The following STK32A variants were observed in gnomAD, a reference collection of about 807,000 sequenced individuals.
The protein encoded by STK32A is serine/threonine kinase 32A.
Under a neutral mutation model 53.2 loss-of-function variants are expected in STK32A, and 41 were observed. That is an observed-to-expected ratio of 0.77 (90% CI 0.60 to 1.00). The LOEUF (loss-of-function observed/expected upper bound fraction) is 1.00. Among genes scored for constraint, STK32A ranks in the 50% least tolerant of loss-of-function variants. The pLI is 0.00. For missense variants in STK32A, 458 were observed against 485.8 expected (o/e 0.94, Z 0.54); for synonymous variants, 166 against 162.8 (o/e 1.02, Z -0.15).
chr5:147,385,237 A>T lies in STK32A; in HGVS notation c.*1254A>T, dbSNP rs1424503550. On this transcript the variant is annotated 3_prime_UTR_variant, in exon 13 of 13. Coordinates refer to ENST00000397936, the MANE Select transcript of STK32A (RefSeq NM_001112724.2). Reference sequence around the variant, plus strand: ...CTCACTACATCTGCCTCCCGGGTTCAAGTGATTCTTGTGTCTCAGCCTCCT... The same window carrying T: ...CTCACTACATCTGCCTCCCGGGTTCTAGTGATTCTTGTGTCTCAGCCTCCT... 6.6e-6 allele frequency: 1 copy of T among 152,104 alleles called. No individual in the cohort carries two copies. The highest frequency in any genetic ancestry group is 2.4e-5 in the African/African-American group (1 of 41,392). The allele number at this position is 152,104 out of a possible 1,614,324, so 9.4% of individuals were successfully genotyped here. A position where few individuals can be genotyped will look rare whatever the true frequency, so the allele number is the denominator to read the frequency against.
chr5:147,328,253 G>A (rs1414544634), intron 5 of STK32A, among the ~76,000 whole-genome samples: 1 of 151,382 alleles, frequency 6.6e-6, no homozygotes, highest in Non-Finnish European at 1.5e-5. Flanking sequence ...TTAAAATTTT[G>A]TTTTCACTTC....
At position 147,373,365 on chromosome 5, in the gene STK32A, T is replaced by C. The variant is rs537907324; in HGVS notation, c.903+71T>C. The C allele has an allele frequency of 6.7e-5, 106 of 1,575,948 alleles. No homozygotes were observed. In the East Asian group the frequency reaches 1.1e-3, roughly 16 times the overall value. ...TTACCCGGTGTGCCAGATTCACACA[T>C]TGTCTCATTAGATAATCACACCAGT... is the stretch of plus-strand genomic sequence containing the variant. On this transcript the variant is annotated intron_variant, in intron 10 of 12. Coordinates refer to ENST00000397936, the MANE Select transcript of STK32A (RefSeq NM_001112724.2).
downstream of STK32A, among the ~76,000 whole-genome samples, chr5:147,388,505 T>C (rs545154267): frequency 2.0e-5 from 3 of 152,318 alleles, no homozygotes; most frequent in South Asian, 6.2e-4. Context: ...TGCTGTGTGC[T>C]TAGCAGCCAT....
intron 4 of STK32A, among the ~76,000 whole-genome samples, chr5:147,308,434 A>G (rs1256394433): frequency 6.6e-6 from 1 of 152,122 alleles, no homozygotes; most frequent in Non-Finnish European, 1.5e-5. Context: ...TAATTATACT[A>G]GTTGTCCCAT....
At chr5:147,259,106 GA>G (rs1754374111) in intron 2 of STK32A, among the ~76,000 whole-genome samples, 1 of 152,088 alleles carries the variant, frequency 6.6e-6, no homozygotes, top group South Asian at 2.1e-4. Context: ...GTCCTGAAGG[GA>G]TTTAGATCCC....
intron 4 of STK32A, among the ~76,000 whole-genome samples, chr5:147,302,359 C>T (rs528477145): frequency 5.3e-5 from 8 of 152,074 alleles, no homozygotes; most frequent in Non-Finnish European, 1.0e-4. Flanking sequence ...ACAAGCCCCC[C>T]AGGAAACAGA....
intron 4 of STK32A, among the ~76,000 whole-genome samples, chr5:147,281,802 G>C (rs1283155227): frequency 6.6e-6 from 1 of 152,140 alleles, no homozygotes; most frequent in African/African-American, 2.4e-5. Context: ...TAGGCACACT[G>C]TCATCAGATT....
At chr5:147,301,709 A>C (rs949205591) in intron 4 of STK32A, among the ~76,000 whole-genome samples, 8 of 152,204 alleles carry the variant, frequency 5.3e-5, no homozygotes, top group Non-Finnish European at 7.3e-5. Flanking sequence ...AATTGCCACA[A>C]ACCTGGTGGC....
At chr5:147,324,323 A>C (rs2151978348) in intron 5 of STK32A, among the ~76,000 whole-genome samples, 1 of 152,320 alleles carries the variant, frequency 6.6e-6, no homozygotes, top group Non-Finnish European at 1.5e-5. Flanking sequence ...TTTATAACTA[A>C]GCTTAGACAA....
chr5:147,295,741 T>C (rs1044880194), intron 4 of STK32A, among the ~76,000 whole-genome samples: 2 of 152,232 alleles, frequency 1.3e-5, no homozygotes, highest in African/African-American at 2.4e-5. Flanking sequence ...CAGTTTTCAA[T>C]AGTTTCTCTC....
chr5:147,374,492 G>A (rs756055981), intron 10 of STK32A, among the ~76,000 whole-genome samples: 3 of 152,012 alleles, frequency 2.0e-5, no homozygotes, highest in Admixed American at 6.6e-5. Flanking sequence ...TTACCTCTCC[G>A]CTTTGTGGGG....
intron 6 of STK32A, 84 bp downstream of exon 6, chr5:147,343,127 G>T (rs1755519694): frequency 7.0e-7 from 1 of 1,433,370 alleles, no homozygotes; most frequent in South Asian, 1.1e-5. Flanking sequence ...TATTACACAT[G>T]AAAAAGGTAT....
the STK32A span, among the ~76,000 whole-genome samples, chr5:147,394,668 GAGA>G: frequency 6.7e-6 from 1 of 148,258 alleles, no homozygotes; most frequent in Non-Finnish European, 1.5e-5. Context: ...AAGGTAGCCA[GAGA>G]ACAACAACAA....
chr5:147,307,760 T>C (rs1205514727), intron 4 of STK32A, among the ~76,000 whole-genome samples: 2 of 152,156 alleles, frequency 1.3e-5, no homozygotes, highest in Non-Finnish European at 2.9e-5. Flanking sequence ...TTTGTCTTCA[T>C]ATAAATAAGT....
At chr5:147,378,667 A>G (rs1757327462) in intron 11 of STK32A, among the ~76,000 whole-genome samples, 2 of 151,902 alleles carry the variant, frequency 1.3e-5, no homozygotes, top group Admixed American at 6.6e-5. Flanking sequence ...GGGAATTCCA[A>G]TCAAGCCACA....
intron 7 of STK32A, among the ~76,000 whole-genome samples, chr5:147,354,961 G>A (rs1158699836): frequency 6.6e-6 from 1 of 152,290 alleles, no homozygotes; most frequent in Non-Finnish European, 1.5e-5. Context: ...TTTCCCAGAC[G>A]TATTGTGGGT....
chr5:147,243,743 A>G (rs1003680717), intron 2 of STK32A, among the ~76,000 whole-genome samples: 1 of 151,818 alleles, frequency 6.6e-6, no homozygotes, highest in African/African-American at 2.4e-5. Context: ...CTGTCCAAAA[A>G]AAAACGGCTT....
At chr5:147,364,052 C>T (rs909150878) in intron 8 of STK32A, among the ~76,000 whole-genome samples, 2 of 151,694 alleles carry the variant, frequency 1.3e-5, no homozygotes, top group East Asian at 1.9e-4. Context: ...CCCATCTGTA[C>T]TAAAAATACA....
intron 2 of STK32A, among the ~76,000 whole-genome samples, chr5:147,241,296 G>A (rs1026235220): frequency 2.0e-5 from 3 of 152,190 alleles, no homozygotes; most frequent in Non-Finnish European, 2.9e-5. Context: ...GGCTAACACG[G>A]TGAAACCCCG....
Sources: gnomAD v4.1 joint callset for allele counts (sites outside exome capture counted in the v4.1 genomes callset) on GRCh38, gnomAD v4.1.1 for gene constraint, MANE v1.5 for transcripts, NCBI Gene and HGNC (gene_info 2026-07-23, HGNC 2026-07-21) for gene names.